The following ARHGAP15 variants were observed in gnomAD, a reference collection of about 807,000 sequenced individuals.
ARHGAP15 encodes Rho GTPase activating protein 15.
Under a neutral mutation model 63.7 loss-of-function variants are expected in ARHGAP15, and 51 were observed. That is an observed-to-expected ratio of 0.80 (90% CI 0.64 to 1.01). The LOEUF (loss-of-function observed/expected upper bound fraction) is 1.01, where lower values mean the gene tolerates loss of function less well. Among genes scored for constraint, ARHGAP15 ranks in the 50% least tolerant of loss-of-function variants. ARHGAP15 has a pLI of 0.00. For synonymous variants in ARHGAP15, 191 were observed against 193.8 expected (o/e 0.99, Z 0.12); for missense variants, 560 against 564.6 (o/e 0.99, Z 0.08).
chr2:143,493,941 G>A (rs1003889484), intron 9 of ARHGAP15, among the ~76,000 whole-genome samples: 1 of 152,110 alleles, frequency 6.6e-6, no homozygotes, highest in African/African-American at 2.4e-5. Context: ...TGCAGATTCC[G>A]CTCTTAAAAT....
chr2:143,481,379 G>A (rs1239758615), intron 8 of ARHGAP15, among the ~76,000 whole-genome samples: 1 of 151,998 alleles, frequency 6.6e-6, no homozygotes, highest in Non-Finnish European at 1.5e-5. Context: ...TTTCTGAAAT[G>A]TTGGCTGTCC....
chr2:143,442,823 G>C (rs933303826), intron 8 of ARHGAP15, among the ~76,000 whole-genome samples: 2 of 152,112 alleles, frequency 1.3e-5, no homozygotes, highest in Admixed American at 1.3e-4. Flanking sequence ...CCACACAAAA[G>C]TAGGTATGTC....
chr2:143,227,744 TC>T (rs1460388682), intron 4 of ARHGAP15, among the ~76,000 whole-genome samples: 6 of 152,296 alleles, frequency 3.9e-5, no homozygotes, highest in Admixed American at 3.9e-4. Context: ...ATTTAACCTA[TC>T]TTTTTTATAT....
At chr2:143,412,653 T>A (rs1035267554) in intron 6 of ARHGAP15, among the ~76,000 whole-genome samples, 8 of 152,252 alleles carry the variant, frequency 5.3e-5, no homozygotes, top group African/African-American at 1.9e-4. Context: ...TAGGACGGAT[T>A]TTTTAAAAAT....
chr2:143,196,162 T>C (rs1039233236), intron 2 of ARHGAP15, among the ~76,000 whole-genome samples: 2 of 152,060 alleles, frequency 1.3e-5, no homozygotes, highest in African/African-American at 4.8e-5. Flanking sequence ...TCATTTCGCT[T>C]TGCACAATTA....
At chr2:143,689,061 A>T (rs1683477558) in intron 12 of ARHGAP15, among the ~76,000 whole-genome samples, 3 of 152,220 alleles carry the variant, frequency 2.0e-5, no homozygotes, top group Middle Eastern at 3.4e-3. Flanking sequence ...AAGTATACTT[A>T]TAAGCTGTAG....
In ARHGAP15 at chr2:143,508,860, T is replaced by C. The variant is rs1323138933; in HGVS notation, c.827-10406T>C. Among the ~76,000 whole-genome samples the C allele has an allele frequency of 2.0e-5, 3 of 152,190 alleles. No homozygotes were observed. In the East Asian group the frequency reaches 5.8e-4, roughly 29 times the overall value. On this transcript the variant is annotated intron_variant, in intron 9 of 13. Coordinates refer to ENST00000295095, the MANE Select transcript of ARHGAP15 (RefSeq NM_018460.4). Reference sequence around the variant, plus strand: ...TCTATTTCCAGGTGAGTTTAGGAGCTGAAAACGAGGGGCCAAAGGGTACTT... The same window carrying C: ...TCTATTTCCAGGTGAGTTTAGGAGCCGAAAACGAGGGGCCAAAGGGTACTT...
chr2:143,696,376 A>AAT (rs1491378116), intron 12 of ARHGAP15, among the ~76,000 whole-genome samples: 4 of 149,418 alleles, frequency 2.7e-5, no homozygotes, highest in African/African-American at 7.3e-5. Context: ...ATAGATATAT[A>AAT]ATATATATAT....
At chr2:143,272,294 C>G (rs1015772419) in intron 6 of ARHGAP15, among the ~76,000 whole-genome samples, 1 of 152,232 alleles carries the variant, frequency 6.6e-6, no homozygotes, top group Middle Eastern at 3.4e-3. Flanking sequence ...CATACTCTTT[C>G]TGCTTTTTCT....
chr2:143,543,907 C>T (rs907217015), intron 10 of ARHGAP15, among the ~76,000 whole-genome samples: 1 of 152,086 alleles, frequency 6.6e-6, no homozygotes, highest in Non-Finnish European at 1.5e-5. Flanking sequence ...CAGAATGAAG[C>T]TGAGAAGTTA....
At chr2:143,651,900 T>C (rs1057328824) in intron 12 of ARHGAP15, among the ~76,000 whole-genome samples, 1 of 152,016 alleles carries the variant, frequency 6.6e-6, no homozygotes, top group African/African-American at 2.4e-5. Flanking sequence ...CCAGTTTTAT[T>C]AGGATTTTAC....
At chr2:143,488,728 C>T (rs907963125) in intron 9 of ARHGAP15, among the ~76,000 whole-genome samples, 10 of 152,156 alleles carry the variant, frequency 6.6e-5, no homozygotes, top group Non-Finnish European at 8.8e-5. Flanking sequence ...TATCAGTTTC[C>T]GTCCATTTTG....
chr2:143,197,727 T>A (rs2105103654), intron 2 of ARHGAP15, among the ~76,000 whole-genome samples: 1 of 152,046 alleles, frequency 6.6e-6, no homozygotes, highest in East Asian at 1.9e-4. Context: ...TTTTTCAACA[T>A]CTTCATAACC....
chr2:143,564,435 G>A (rs879823482), intron 11 of ARHGAP15, among the ~76,000 whole-genome samples: 2 of 152,130 alleles, frequency 1.3e-5, no homozygotes, highest in Non-Finnish European at 2.9e-5. Flanking sequence ...TATTTTTGAA[G>A]CTCATTCATT....
In ARHGAP15 at chr2:143,459,364, C is replaced by T. The variant is rs1458718545; in HGVS notation, c.703+22322C>T. ...GTGGGGGGAAGGATGCTTTATTTGC[C>T]TTGTTTCCCATCCTTCTCAGTAACA... On this transcript the variant is annotated intron_variant, in intron 8 of 13. Transcript: ENST00000295095. 2.0e-5 allele frequency among the ~76,000 whole-genome samples: 3 copies of T among 152,004 alleles called. No homozygotes were observed. The East Asian group carries it at 5.8e-4, about 29-fold the overall frequency.
At chr2:143,147,299 A>C (rs992605078) in intron 1 of ARHGAP15, among the ~76,000 whole-genome samples, 4 of 152,040 alleles carry the variant, frequency 2.6e-5, no homozygotes, top group African/African-American at 4.8e-5. Flanking sequence ...TTTAAGTGAC[A>C]TTTCATCATC....
At chr2:143,225,592 C>T (rs1241095375) in intron 4 of ARHGAP15, among the ~76,000 whole-genome samples, 4 of 151,800 alleles carry the variant, frequency 2.6e-5, no homozygotes, top group Non-Finnish European at 5.9e-5. Flanking sequence ...GGCGACAGAG[C>T]GAGACTCCGT....
At chr2:143,585,751 T>C (rs1236702472) in intron 11 of ARHGAP15, among the ~76,000 whole-genome samples, 1 of 152,206 alleles carries the variant, frequency 6.6e-6, no homozygotes, top group Non-Finnish European at 1.5e-5. Context: ...TTCCAGATAG[T>C]CTTCCAAGTT....
At chr2:143,533,874 G>A (rs1003929787) in intron 10 of ARHGAP15, among the ~76,000 whole-genome samples, 18 of 152,184 alleles carry the variant, frequency 1.2e-4, no homozygotes, top group Admixed American at 1.2e-3. Flanking sequence ...GGAAATCTAA[G>A]ACCTCGTTAA....
Sources: gnomAD v4.1 joint callset for allele counts (sites outside exome capture counted in the v4.1 genomes callset) on GRCh38, gnomAD v4.1.1 for gene constraint, MANE v1.5 for transcripts, NCBI Gene and HGNC (gene_info 2026-07-23, HGNC 2026-07-21) for gene names.